Variants in HDAC5 observed in about 807,000 individuals in gnomAD.
The protein encoded by HDAC5 is antigen NY-CO-9.
A neutral mutation model predicts 133.3 loss-of-function variants in HDAC5; 25 were observed. The ratio of observed to expected loss-of-function variants is 0.19; its 90% CI spans 0.14 to 0.26. HDAC5 has a LOEUF of 0.26. Among genes scored for constraint, HDAC5 ranks in the 10% least tolerant of loss-of-function variants. The probability of loss-of-function intolerance (pLI) is 1.00; values close to 1 mark genes in which losing one functional copy is unlikely to be tolerated. For synonymous variants in HDAC5, 589 were observed against 610.8 expected, an observed-to-expected ratio of 0.96 and a Z score of 0.53; for missense variants, 1,041 against 1,460.5, an observed-to-expected ratio of 0.71 and a Z score of 4.68.
intron 3 of HDAC5, among the ~76,000 whole-genome samples, chr17:44,101,475 G>A (rs923755698): frequency 6.6e-6 from 1 of 151,776 alleles, no homozygotes; most frequent in Admixed American, 6.6e-5. Flanking sequence ...CTAGGAGGAG[G>A]GGAGGGGACC....
At chr17:44,096,472 TTTG>T (rs1302316283) in intron 3 of HDAC5, among the ~76,000 whole-genome samples, 1 of 151,294 alleles carries the variant, frequency 6.6e-6, no homozygotes. Flanking sequence ...TTGGTTTTTT[TTTG>T]TTTTTTTTTT....
At chr17:44,123,054 TG>T (rs1197166303) in intron 1 of HDAC5, among the ~76,000 whole-genome samples, 5 of 152,118 alleles carry the variant, frequency 3.3e-5, no homozygotes. Flanking sequence ...AGAAGCGCTC[TG>T]GGTGGACAGC....
rs148234160 is a variant in HDAC5 at position 44,087,526 on chromosome 17, G to A, written c.1770C>T (p.Asp590=). 1.4e-5 allele frequency: 23 copies of A among 1,611,470 alleles called. No homozygotes were observed. Among genetic ancestry groups the A allele is most frequent in the Middle Eastern group, 1.7e-4 (1 of 6,052 alleles). ...ESTQEDLEEE[D]EEDDGEEEED... Reference sequence around the variant, plus strand: ...CCTCCTCCTCCCCATCGTCTTCCTCGTCCTCCTCCTCCAGGTCTTCCTGTG... The same window carrying A: ...CCTCCTCCTCCCCATCGTCTTCCTCATCCTCCTCCTCCAGGTCTTCCTGTG... Residue 590 remains aspartate, a synonymous_variant, in exon 13 of 27, where the codon GAC becomes GAT. Transcript: ENST00000682912.
chr17:44,083,927 C>T (rs1230101016), intron 16 of HDAC5, 73 bp from the exon 17 acceptor site: 1 of 1,169,520 alleles, frequency 8.6e-7, no homozygotes, highest in Admixed American at 1.7e-5. Flanking sequence ...AGTTCGAGAC[C>T]AGCCTGGACA....
rs1452364078 is a variant in HDAC5, at chr17:44,093,247, G to A, written c.527-41C>T. On this transcript the variant is annotated intron_variant, in intron 5 of 26. Transcript: ENST00000682912. ...CAACTGACCTGGCTGCTTGGGGCCA[G>A]ACCCCCCATGGCAGGGGCAGGCATC... is the stretch of plus-strand genomic sequence containing the variant. The A allele has an allele frequency of 3.8e-6, 6 of 1,588,532 alleles. No individual in the cohort carries two copies. The African/African-American group carries it at 6.7e-5, about 18-fold the overall frequency.
chr17:44,080,261 G>A, intron 22 of HDAC5, 36 bp from the exon 23 acceptor site: 1 of 1,584,164 alleles, frequency 6.3e-7, no homozygotes, highest in Non-Finnish European at 8.7e-7. Flanking sequence ...CCCGGCAGAT[G>A]ACCAGGCCAG....
chr17:44,082,006 G>C (rs1184346512), intron 20 of HDAC5: 2 of 152,300 alleles, frequency 1.3e-5, no homozygotes, highest in Non-Finnish European at 2.9e-5. Context: ...CTCACAGAGA[G>C]TGGTGTGTGC....
intron 11 of HDAC5, among the ~76,000 whole-genome samples, chr17:44,090,277 CA>C (rs1165867779): frequency 6.6e-6 from 1 of 151,940 alleles, no homozygotes; most frequent in Non-Finnish European, 1.5e-5. Flanking sequence ...CCTGTCTCTA[CA>C]AAAATTAAAA....
chr17:44,089,625 T>C (rs906815697), intron 11 of HDAC5, among the ~76,000 whole-genome samples: 1 of 151,550 alleles, frequency 6.6e-6, no homozygotes, highest in Non-Finnish European at 1.5e-5. Context: ...CACATGCCTG[T>C]AATCCCAGCT....
intron 12 of HDAC5, among the ~76,000 whole-genome samples, chr17:44,087,986 G>C (rs1240026747): frequency 6.6e-6 from 1 of 151,836 alleles, no homozygotes; most frequent in Non-Finnish European, 1.5e-5. Context: ...TGGGGTTACA[G>C]GCGCACGCCA....
chr17:44,113,310 C>T (rs1053253286), intron 2 of HDAC5, among the ~76,000 whole-genome samples: 2 of 152,176 alleles, frequency 1.3e-5, no homozygotes, highest in African/African-American at 4.8e-5. Context: ...AGGACAGGGA[C>T]ACCCAGAGGT....
Position 44,117,895 on chromosome 17 carries a change from A to C in HDAC5, c.-189-191T>G, listed in dbSNP as rs2052746016. 6.6e-6 allele frequency among the ~76,000 whole-genome samples: 1 copy of C among 152,222 alleles called. No individual in the cohort carries two copies. Among genetic ancestry groups the C allele is most frequent in the Non-Finnish European group, 1.5e-5 (1 of 68,028 alleles). Reference sequence around the variant, plus strand: ...TATCTTACTAACTGATGAGGCTCCCAGAGCCCAAGGGATAGGAAATGGCTA... The same window carrying C: ...TATCTTACTAACTGATGAGGCTCCCCGAGCCCAAGGGATAGGAAATGGCTA... On this transcript the variant is annotated intron_variant, in intron 1 of 26. Transcript: ENST00000682912. This position sits in a 1 kb window ranked among gnomAD's most constrained non-coding sequence, Gnocchi z 4.2.
chr17:44,111,351 G>A (rs2052332969), intron 2 of HDAC5: 4 of 330,150 alleles, frequency 1.2e-5, no homozygotes, highest in South Asian at 9.6e-5. Context: ...CCATGGGGGG[G>A]GAGGCGGTTC....
At chr17:44,123,377 G>A (rs777857588) in intron 1 of HDAC5, 127 bp downstream of exon 1, 64 of 339,516 alleles carry the variant, frequency 1.9e-4, no homozygotes, top group Non-Finnish European at 3.3e-4. Context: ...CCGGGAGGAA[G>A]GAAGGGGGGC....
intron 11 of HDAC5, among the ~76,000 whole-genome samples, chr17:44,089,778 G>C (rs1275234806): frequency 8.7e-6 from 1 of 114,670 alleles, no homozygotes; most frequent in Admixed American, 9.7e-5. Context: ...AAAAAAATTA[G>C]CTGGGTGTGG....
In HDAC5 at chr17:44,092,753, G is replaced by A. The variant is rs1377619054; in HGVS notation, c.695C>T (p.Pro232Leu). The A allele has an allele frequency of 3.5e-6, 5 of 1,431,134 alleles. No individual in the cohort carries two copies. Among genetic ancestry groups the A allele is most frequent in the Non-Finnish European group, 4.7e-6 (5 of 1,066,328 alleles). The allele number at this position is 1,431,134 out of a possible 1,614,324, so 88.7% of individuals were successfully genotyped here. The change falls in exon 7 of 27, where the codon CCT (proline) becomes CTT (leucine). Residue 232 changes from proline to leucine, a missense_variant. Physicochemically the swap from Pro to Leu is moderately conservative, Grantham distance 98. Coordinates refer to ENST00000682912, the MANE Select transcript of HDAC5 (RefSeq NM_005474.5). ...DQSSPPQSGP[P>L]GTPPSYKLPL... is the part of the protein sequence containing the mutation. ...CAGTTTGTAGGAGGGAGGCGTCCCA[G>A]GGGGGCCGCTCTGGGGAGGGGAACT...
intron 13 of HDAC5, among the ~76,000 whole-genome samples, 157 bp downstream of exon 13, chr17:44,087,255 C>T (rs755183970): frequency 6.6e-5 from 10 of 151,996 alleles, no homozygotes; most frequent in Non-Finnish European, 8.8e-5. Flanking sequence ...TTCTCCCCAC[C>T]GGCCTCCTTC....
intron 11 of HDAC5, among the ~76,000 whole-genome samples, chr17:44,090,069 T>C (rs546473693): frequency 6.6e-6 from 1 of 151,460 alleles, no homozygotes; most frequent in African/African-American, 2.4e-5. Context: ...CCCAGCTCTA[T>C]TAAAAATACA....
In HDAC5 at chr17:44,118,517, A is replaced by G. The variant is rs1169892166; in HGVS notation, c.-189-813T>C. On this transcript the variant is annotated intron_variant, in intron 1 of 26. Coordinates refer to ENST00000682912, the MANE Select transcript of HDAC5 (RefSeq NM_005474.5). ...TTTGTACGAAAGCAACAAAAGGCCC[A>G]GCAGTAGCCCTGCTGAGGCCAGTAT... is the stretch of plus-strand genomic sequence containing the variant. 2.0e-5 allele frequency among the ~76,000 whole-genome samples: 3 copies of G among 152,196 alleles called. No homozygotes were observed. The East Asian group carries it at 5.8e-4, about 29-fold the overall frequency.
Sources: gnomAD v4.1 joint callset for allele counts (sites outside exome capture counted in the v4.1 genomes callset) on GRCh38, gnomAD v4.1.1 for gene constraint, Gnocchi (gnomAD v3.1) non-coding constraint, MANE v1.5 for transcripts, NCBI Gene and HGNC (gene_info 2026-07-23, HGNC 2026-07-21) for gene names.